The following NDUFAF5 variants were observed in gnomAD, a reference collection of about 807,000 sequenced individuals.
NDUFAF5 encodes the protein NADH:ubiquinone oxidoreductase complex assembly factor 5.
In NDUFAF5, 34 loss-of-function variants were observed where a neutral mutation model predicts 48.9. The ratio of observed to expected loss-of-function variants is 0.70; its 90% confidence interval spans 0.53 to 0.93. The LOEUF (loss-of-function observed/expected upper bound fraction) is 0.93. NDUFAF5 is among the 40% of genes least tolerant of loss of function. NDUFAF5 has a pLI of 0.00. For missense variants in NDUFAF5, 428 were observed against 427.5 expected (o/e 1.00, Z -0.01); for synonymous variants, 153 against 150.6 (o/e 1.02, Z -0.12).
chr20:13,816,952 TCA>T lies in NDUFAF5; in HGVS notation c.943_944del (p.Gln315GlyfsTer5), dbSNP rs1374011354. 5 of 1,604,228 alleles carry T rather than the reference TCA, an allele frequency of 3.1e-6. No individual in the cohort carries two copies. Among genetic ancestry groups the T allele is most frequent in the Non-Finnish European group, 4.3e-6 (5 of 1,171,142 alleles). ...CATGATAGGATGGAAATATCATGAG[TCA>T]CAGGTAACGTTACTAAGATGGATCA... is the stretch of plus-strand genomic sequence containing the variant. ...YYMIGWKYHE[S>X]QARPAERGSA... is the part of the protein sequence containing the mutation. On this transcript the variant is annotated frameshift_variant, in exon 10 of 11. Coordinates refer to ENST00000378106, the MANE Select transcript of NDUFAF5 (RefSeq NM_024120.5). LOFTEE classifies it high-confidence loss of function.
intron 3 of NDUFAF5, among the ~76,000 whole-genome samples, chr20:13,790,801 G>C (rs1188842952): frequency 6.6e-6 from 1 of 152,128 alleles, no homozygotes; most frequent in Non-Finnish European, 1.5e-5. Context: ...CTTCCCCAAG[G>C]TATCTGTGTG....
intron 8 of NDUFAF5, among the ~76,000 whole-genome samples, chr20:13,812,127 G>A (rs933736537): frequency 6.6e-6 from 1 of 152,240 alleles, no homozygotes; most frequent in Non-Finnish European, 1.5e-5. Flanking sequence ...CCCTGGCACT[G>A]TCTGAACTGA....
In NDUFAF5 at chr20:13,820,479, A is replaced by G. The variant is rs1003964881; in HGVS notation, c.*3269A>G. The G allele has an allele frequency of 1.3e-5, 2 of 152,116 alleles. No homozygotes were observed. Among genetic ancestry groups the G allele is most frequent in the African/African-American group, 4.8e-5 (2 of 41,390 alleles). 9.4% of individuals were successfully genotyped at this position (152,116 alleles called of 1,614,324 possible). On this transcript the variant is annotated 3_prime_UTR_variant, in exon 11 of 11. Coordinates refer to ENST00000378106, the MANE Select transcript of NDUFAF5 (RefSeq NM_024120.5). ...GAAGCTGAGACGGGAGGATTGCTTGAGCCCAGGAGTTTGAGACCAGCTTGG... is the reference window on the plus strand; with the variant it reads ...GAAGCTGAGACGGGAGGATTGCTTGGGCCCAGGAGTTTGAGACCAGCTTGG...
intron 6 of NDUFAF5, among the ~76,000 whole-genome samples, chr20:13,800,177 A>C (rs1983906604): frequency 6.6e-6 from 1 of 152,134 alleles, no homozygotes; most frequent in South Asian, 2.1e-4. Flanking sequence ...TTGTGAAATC[A>C]TGGAAGTTGA....
chr20:13,787,069 G>A (rs527562006), intron 1 of NDUFAF5: 10 of 538,834 alleles, frequency 1.9e-5, no homozygotes, highest in East Asian at 1.3e-4. Context: ...ATATATATGT[G>A]TGTGTGTGTG....
intron 1 of NDUFAF5, chr20:13,787,106 T>C: frequency 1.6e-6 from 1 of 616,368 alleles, no homozygotes; most frequent in Non-Finnish European, 3.0e-6. Flanking sequence ...TTTAAGAATA[T>C]TTAGTCTGGA....
chr20:13,795,988 T>G (rs917005548), intron 5 of NDUFAF5, among the ~76,000 whole-genome samples: 60 of 152,204 alleles, frequency 3.9e-4, no homozygotes, highest in Non-Finnish European at 1.2e-4. Flanking sequence ...AATACAAAAA[T>G]GAATTAGGGA....
Position 13,817,696 on chromosome 20 carries a change from C to G in NDUFAF5, c.*486C>G, listed in dbSNP as rs914372013. ...ATTTAACCTTATTTCTTTTTTATCT[C>G]CATGGTGTGGGTGGGACCACCATGG... On this transcript the variant is annotated 3_prime_UTR_variant, in exon 11 of 11. Transcript: ENST00000378106. 3.1e-5 allele frequency: 14 copies of G among 453,840 alleles called. No homozygotes were observed. Among genetic ancestry groups the G allele is most frequent in the Non-Finnish European group, 5.3e-5 (12 of 226,788 alleles). The allele number at this position is 453,840 out of a possible 1,614,324, so 28.1% of individuals were successfully genotyped here.
intron 6 of NDUFAF5, among the ~76,000 whole-genome samples, chr20:13,799,591 T>C (rs1215416031): frequency 2.0e-5 from 3 of 151,166 alleles, no homozygotes; most frequent in Admixed American, 6.6e-5. Flanking sequence ...CCCAGCTACT[T>C]GGGATGCTGA....
intron 7 of NDUFAF5, among the ~76,000 whole-genome samples, chr20:13,808,611 A>G (rs371561074): frequency 2.6e-5 from 4 of 152,222 alleles, no homozygotes; most frequent in African/African-American, 9.6e-5. Context: ...AGAGAGAACT[A>G]GAACCAATGA....
At position 13,819,807 on chromosome 20, in the gene NDUFAF5, A is replaced by G. The variant is rs903411464; in HGVS notation, c.*2597A>G. On this transcript the variant is annotated 3_prime_UTR_variant, in exon 11 of 11. Transcript: ENST00000378106. ...TTTTCTTACTTGCTGTCAGTTGTCA[A>G]TCTCAACACCTTGACCAAAATGAAC... 6 of 152,200 alleles carry G rather than the reference A, an allele frequency of 3.9e-5. No individual in the cohort carries two copies. Among genetic ancestry groups the G allele is most frequent in the Non-Finnish European group, 7.3e-5 (5 of 68,048 alleles). The allele number at this position is 152,200 out of a possible 1,614,324, so 9.4% of individuals were successfully genotyped here. A position where few individuals can be genotyped will look rare whatever the true frequency, so the allele number is the denominator to read the frequency against.
At chr20:13,817,063 T>TG in intron 10 of NDUFAF5, 55 bp from the exon 11 acceptor site, 1 of 1,570,638 alleles carries the variant, frequency 6.4e-7, no homozygotes, top group Non-Finnish European at 8.8e-7. Context: ...GGGCTTTAAT[T>TG]GGGGCTGTGT....
chr20:13,787,539 A>G (rs527693764), intron 2 of NDUFAF5, among the ~76,000 whole-genome samples, 187 bp downstream of exon 2: 1 of 152,320 alleles, frequency 6.6e-6, no homozygotes, highest in African/African-American at 2.4e-5. Context: ...TTGTTGCCTG[A>G]AAAAAGAAAA....
intron 3 of NDUFAF5, among the ~76,000 whole-genome samples, chr20:13,790,812 T>C (rs1216367601): frequency 2.6e-5 from 4 of 152,200 alleles, no homozygotes; most frequent in African/African-American, 9.7e-5. Flanking sequence ...TATCTGTGTG[T>C]CTTAGTTGCT....
At chr20:13,797,107 C>G (rs182550216) in intron 5 of NDUFAF5, among the ~76,000 whole-genome samples, 1 of 152,198 alleles carries the variant, frequency 6.6e-6, no homozygotes, top group Admixed American at 6.5e-5. Context: ...ACTGACAACA[C>G]TAAATGCGAC....
intron 2 of NDUFAF5, 86 bp from the exon 3 acceptor site, chr20:13,788,503 T>A: frequency 9.7e-7 from 1 of 1,035,338 alleles, no homozygotes; most frequent in Non-Finnish European, 1.5e-6. Flanking sequence ...TTGTGTTTAC[T>A]GGAATGATTT....
intron 3 of NDUFAF5, among the ~76,000 whole-genome samples, chr20:13,790,323 T>C (rs1982065858): frequency 1.3e-5 from 1 of 77,446 alleles, no homozygotes; most frequent in African/African-American, 4.7e-5. Context: ...AGCAAATCTA[T>C]TCTTTTAGTA....
At chr20:13,798,778 A>G (rs772198160) in intron 6 of NDUFAF5, among the ~76,000 whole-genome samples, 6 of 152,226 alleles carry the variant, frequency 3.9e-5, no homozygotes, top group Non-Finnish European at 8.8e-5. Context: ...GACATTCTCT[A>G]TGTAGATTTC....
intron 7 of NDUFAF5, among the ~76,000 whole-genome samples, chr20:13,802,774 C>T (rs1187763655): frequency 1.3e-5 from 2 of 152,006 alleles, no homozygotes; most frequent in East Asian, 3.9e-4. Flanking sequence ...TACATTAGCT[C>T]CTGCCTTCCT....
Sources: allele counts gnomAD v4.1 joint callset (sites outside exome capture counted in the v4.1 genomes callset), GRCh38; gene constraint gnomAD v4.1.1; transcripts MANE v1.5; gene names NCBI Gene and HGNC (gene_info 2026-07-23, HGNC 2026-07-21).